CYFIP2: variants seen among roughly 807,000 people sequenced by gnomAD.
The protein encoded by CYFIP2 is cytoplasmic FMR1 interacting protein 2, also known as cytoplasmic FMR1-interacting protein 2.
Under a neutral mutation model 158.7 loss-of-function variants are expected in CYFIP2, and 29 were observed. The ratio of observed to expected loss-of-function variants is 0.18; its 90% confidence interval spans 0.14 to 0.25. CYFIP2 has a LOEUF of 0.25. Ranked by LOEUF, CYFIP2 falls within the 10% of genes least tolerant of loss-of-function variation. The pLI, the probability that CYFIP2 is intolerant of heterozygous loss-of-function variation, is 1.00. For synonymous variants in CYFIP2, 585 were observed against 617.6 expected (o/e 0.95, Z 0.78); for missense variants, 852 against 1,639.5 (o/e 0.52, Z 8.29).
intron 26 of CYFIP2, among the ~76,000 whole-genome samples, chr5:157,378,555 T>C (rs1042112094): frequency 1.3e-5 from 2 of 152,210 alleles, no homozygotes; most frequent in Non-Finnish European, 2.9e-5. Flanking sequence ...TTTGGCTGCA[T>C]TGGCTGCCAT....
chr5:157,367,375 C>T (rs1453605773), intron 26 of CYFIP2, among the ~76,000 whole-genome samples: 1 of 152,172 alleles, frequency 6.6e-6, no homozygotes, highest in Non-Finnish European at 1.5e-5. Flanking sequence ...AAAACCTCCC[C>T]CTGTTGGAAA....
Position 157,327,987 on chromosome 5 carries a change from T to C in CYFIP2, c.2094T>C (p.Phe698=), listed in dbSNP as rs567813646. Residue 698 remains phenylalanine (F), a synonymous_variant, in exon 19 of 31, where the codon TTT becomes TTC. Coordinates refer to ENST00000620254, the MANE Select transcript of CYFIP2 (RefSeq NM_001037333.3). Reference sequence around the variant, plus strand: ...CTCTCCACCAGGTGAACCTGTGTTTTGATCAGTTTGTCTACAAGCTGGCAG... The same window carrying C: ...CTCTCCACCAGGTGAACCTGTGTTTCGATCAGTTTGTCTACAAGCTGGCAG... The part of the protein sequence containing the change: ...DEIEAEVNLC[F]DQFVYKLADQ... 1.2e-6 allele frequency: 2 copies of C among 1,613,988 alleles called. No individual in the cohort carries two copies. The highest frequency in any genetic ancestry group is 2.2e-5 in the South Asian group (2 of 91,080).
intron 11 of CYFIP2, among the ~76,000 whole-genome samples, chr5:157,313,161 T>C (rs937113546): frequency 6.6e-6 from 1 of 152,266 alleles, no homozygotes; most frequent in East Asian, 1.9e-4. Context: ...TAGCAAATAC[T>C]GAATCATTGC....
intron 26 of CYFIP2, among the ~76,000 whole-genome samples, chr5:157,372,347 C>CATAA (rs1554120705): frequency 3.4e-4 from 52 of 151,662 alleles, no homozygotes; most frequent in African/African-American, 1.2e-3. Flanking sequence ...TCAAATGACT[C>CATAA]AGTAAAGTTA....
Position 157,357,375 on chromosome 5 carries a change from C to T in CYFIP2, c.2674-1630C>T, listed in dbSNP as rs139947560. Among the ~76,000 whole-genome samples, 1,008 of 152,272 alleles carry T rather than the reference C, an allele frequency of 6.6e-3. 14 individuals are homozygous for T. The highest frequency in any genetic ancestry group is 0.023 in the African/African-American group (949 of 41,534). ...AGGGAGTTGAAAATCTTGCAGTACTCCAAAAGCATCATTAGAATTTCCATT... is the reference window on the plus strand; with the variant it reads ...AGGGAGTTGAAAATCTTGCAGTACTTCAAAAGCATCATTAGAATTTCCATT... On this transcript the variant is annotated intron_variant, in intron 23 of 30. Transcript: ENST00000620254.
At chr5:157,342,784 C>T in intron 23 of CYFIP2, 1 of 1,394,966 alleles carries the variant, frequency 7.2e-7, no homozygotes. Flanking sequence ...AATGGGTAGT[C>T]TATAGACACA....
At chr5:157,349,329 T>C (rs2113299787) in intron 23 of CYFIP2, among the ~76,000 whole-genome samples, 1 of 152,312 alleles carries the variant, frequency 6.6e-6, no homozygotes, top group African/African-American at 2.4e-5. Flanking sequence ...TGCCTTTCTG[T>C]CCTCATAGCT....
At chr5:157,355,107 C>T (rs1054984565) in intron 23 of CYFIP2, among the ~76,000 whole-genome samples, 2 of 152,118 alleles carry the variant, frequency 1.3e-5, no homozygotes, top group Non-Finnish European at 2.9e-5. Flanking sequence ...CCAGTACAAT[C>T]TGTTACTGAA....
chr5:157,345,116 C>G (rs1762583580), intron 23 of CYFIP2, among the ~76,000 whole-genome samples: 1 of 152,226 alleles, frequency 6.6e-6, no homozygotes, highest in African/African-American at 2.4e-5. Flanking sequence ...GTTTATGTTT[C>G]CTAGCTTGGT....
At chr5:157,319,482 T>G (rs535087715) in intron 13 of CYFIP2, among the ~76,000 whole-genome samples, 1 of 152,294 alleles carries the variant, frequency 6.6e-6, no homozygotes, top group Admixed American at 6.5e-5. Flanking sequence ...AATTGGGAGC[T>G]CATGCGAGGA....
At chr5:157,369,764 G>C (rs879628834) in intron 26 of CYFIP2, among the ~76,000 whole-genome samples, 2 of 152,128 alleles carry the variant, frequency 1.3e-5, no homozygotes, top group Admixed American at 6.5e-5. Context: ...GGCAGTGCAG[G>C]TTAGTGCAAT....
Position 157,379,668 on chromosome 5 carries a change from C to CAAAAAAAAA in CYFIP2, c.3040-2905_3040-2897dup, listed in dbSNP as rs70984468. On this transcript the variant is annotated intron_variant, in intron 26 of 30. Coordinates refer to ENST00000620254, the MANE Select transcript of CYFIP2 (RefSeq NM_001037333.3). ...CAGGCAAGGGAGCAAGACCCTGTCT[C>CAAAAAAAAA]AAAAAAAAAAAAAAAAAAAAAAAAA... 4.0e-3 allele frequency among the ~76,000 whole-genome samples: 291 copies of CAAAAAAAAA among 73,622 alleles called. 6 individuals are homozygous for CAAAAAAAAA. The highest frequency in any genetic ancestry group is 0.014 in the African/African-American group (271 of 19,298). The allele number at this position is 73,622 out of a possible 152,430, so 48.3% of individuals were successfully genotyped here. A position where few individuals can be genotyped will look rare whatever the true frequency, so the allele number is the denominator to read the frequency against.
At chr5:157,280,992 A>G (rs1456257175) in intron 1 of CYFIP2, among the ~76,000 whole-genome samples, 1 of 152,222 alleles carries the variant, frequency 6.6e-6, no homozygotes, top group Non-Finnish European at 1.5e-5. Context: ...AGGTCCACAC[A>G]TGATAGTGTG....
chr5:157,290,286 G>T (rs991571719), intron 3 of CYFIP2, among the ~76,000 whole-genome samples: 1 of 152,220 alleles, frequency 6.6e-6, no homozygotes, highest in East Asian at 1.9e-4. Flanking sequence ...CAGCAGGGCC[G>T]CATTCCTTCT....
rs1351443971 is a variant in CYFIP2 at position 157,343,356 on chromosome 5, C to T, written c.2673+2199C>T. ...GAAGGGGCAAGATGTTCCAGCACCA[C>T]GGAGCTGATCGTTCGAGGCACCTTC... On this transcript the variant is annotated intron_variant, in intron 23 of 30. Transcript: ENST00000620254. 12 of 1,614,060 alleles carry T rather than the reference C, an allele frequency of 7.4e-6. No individual in the cohort carries two copies. In the African/African-American group the frequency reaches 1.1e-4, roughly 14 times the overall value.
intron 11 of CYFIP2, among the ~76,000 whole-genome samples, chr5:157,312,268 A>G (rs911382518): frequency 4.6e-5 from 7 of 152,226 alleles, no homozygotes; most frequent in African/African-American, 1.7e-4. Flanking sequence ...GATAAAGGCC[A>G]TAAAAATCTC....
At chr5:157,390,434 G>A (rs115782969) in intron 29 of CYFIP2, 87 bp from the exon 30 acceptor site, 24,703 of 1,311,890 alleles carry the variant, frequency 0.019, 339 homozygotes, top group Non-Finnish European at 0.023. Flanking sequence ...CTTAGTAGCT[G>A]TACTCCTGGC....
rs1408717199 is a variant in CYFIP2, at chr5:157,293,028, A to ATGTT, written c.208-1752_208-1751insTTGT. Among the ~76,000 whole-genome samples the ATGTT allele has an allele frequency of 3.3e-5, 5 of 151,180 alleles. No homozygotes were observed. In the East Asian group the frequency reaches 9.7e-4, roughly 29 times the overall value. Reference sequence around the variant, plus strand: ...AGCCCAGATATGTATGTATGTATGTATGTATGTATGTATGTATGTATGTAT... The same window carrying ATGTT: ...AGCCCAGATATGTATGTATGTATGTATGTTTGTATGTATGTATGTATGTATGTAT... On this transcript the variant is annotated intron_variant, in intron 3 of 30. Coordinates refer to ENST00000620254, the MANE Select transcript of CYFIP2 (RefSeq NM_001037333.3).
intron 9 of CYFIP2, 51 bp downstream of exon 9, chr5:157,307,916 A>G (rs1408101242): frequency 4.7e-6 from 5 of 1,057,522 alleles, no homozygotes; most frequent in Non-Finnish European, 1.4e-6. Flanking sequence ...ACCAGCGCCA[A>G]GATGTCTTTG....
Sources: allele counts gnomAD v4.1 joint callset (sites outside exome capture counted in the v4.1 genomes callset), GRCh38; gene constraint gnomAD v4.1.1; transcripts MANE v1.5; gene names NCBI Gene and HGNC (gene_info 2026-07-23, HGNC 2026-07-21).